Variants in RGPD2 observed in about 807,000 individuals in gnomAD.
RGPD2 encodes RANBP2-like and GRIP domain-containing protein 2.
Under a neutral mutation model 36.0 loss-of-function variants are expected in RGPD2, and 2 were observed. The ratio of observed to expected loss-of-function variants is 0.06; its 90% CI spans 0.02 to 0.17. The LOEUF (loss-of-function observed/expected upper bound fraction) is 0.17, where lower values mean the gene tolerates loss of function less well. Ranked by LOEUF, RGPD2 falls within the 10% of genes least tolerant of loss-of-function variation. The probability of loss-of-function intolerance (pLI) is 1.00; values close to 1 mark genes in which losing one functional copy is unlikely to be tolerated. For missense variants in RGPD2, 40 were observed against 464.3 expected (o/e 0.09, Z 8.40); for synonymous variants, 19 against 163.8 (o/e 0.12, Z 6.75).
the RGPD2 span, among the ~76,000 whole-genome samples, chr2:87,986,503 A>C: frequency 6.6e-6 from 1 of 152,010 alleles, no homozygotes; most frequent in African/African-American, 2.4e-5. Flanking sequence ...TGCCAGAGAC[A>C]GTCCTGATTT....
the RGPD2 span, among the ~76,000 whole-genome samples, chr2:87,886,157 AAT>A: frequency 6.6e-6 from 1 of 151,706 alleles, no homozygotes; most frequent in Non-Finnish European, 1.5e-5. Context: ...AATAAAATAA[AAT>A]AATATTCTAG....
chr2:87,842,863 A>G, the RGPD2 span, among the ~76,000 whole-genome samples: 1 of 147,688 alleles, frequency 6.8e-6, no homozygotes, highest in African/African-American at 2.5e-5. Context: ...CAAAACAGAG[A>G]TATAGATCAA....
chr2:87,864,958 G>A, the RGPD2 span, among the ~76,000 whole-genome samples: 2 of 152,086 alleles, frequency 1.3e-5, no homozygotes, highest in African/African-American at 4.8e-5. Context: ...CTAATTTATA[G>A]GTGTGACCAT....
At chr2:87,826,015 G>T (rs1265794760), upstream of RGPD2, 3 of 403,334 alleles carry the variant, frequency 7.4e-6, no homozygotes, top group African/African-American at 2.1e-5. Flanking sequence ...GGCGGGTGCT[G>T]TAAACCATTC....
chr2:87,815,175 A>G lies in RGPD2; in HGVS notation c.402+1094T>C, dbSNP rs1205350200. Among the ~76,000 whole-genome samples the G allele has an allele frequency of 6.1e-5, 9 of 147,358 alleles. No individual in the cohort carries two copies. The East Asian group carries it at 1.4e-3, about 22-fold the overall frequency. On this transcript the variant is annotated intron_variant, in intron 4 of 22. Transcript: ENST00000398146. ...ATACATACACATTGTACCAATGTCA[A>G]AATTCCTGATTTTGATATTGTGCTT... is the stretch of plus-strand genomic sequence containing the variant.
the RGPD2 span, among the ~76,000 whole-genome samples, chr2:87,952,320 C>T: frequency 1.3e-5 from 2 of 151,942 alleles, no homozygotes; most frequent in East Asian, 3.9e-4. Flanking sequence ...GGGGTGTCCT[C>T]AAGTTTCTGC....
the RGPD2 span, among the ~76,000 whole-genome samples, chr2:87,869,996 T>C: frequency 1.3e-5 from 2 of 152,256 alleles, no homozygotes; most frequent in Non-Finnish European, 2.9e-5. Context: ...AAGATTACAG[T>C]ATCTTTGAAA....
chr2:87,967,276 C>T, the RGPD2 span, among the ~76,000 whole-genome samples: 2,378 of 113,098 alleles, frequency 0.021, 1 homozygote, highest in East Asian at 0.05. Context: ...GGCATGGTGG[C>T]ATGCGCCTGT....
chr2:87,860,826 C>G, the RGPD2 span, among the ~76,000 whole-genome samples: 1 of 152,020 alleles, frequency 6.6e-6, no homozygotes, highest in Non-Finnish European at 1.5e-5. Context: ...TATGGCTTCT[C>G]TTAATTCTGC....
At chr2:87,930,463 C>T in the RGPD2 span, among the ~76,000 whole-genome samples, 1 of 152,070 alleles carries the variant, frequency 6.6e-6, no homozygotes, top group Non-Finnish European at 1.5e-5. Flanking sequence ...CTGCTGGATT[C>T]TACTTGCCAG....
At chr2:87,963,853 T>TTA in the RGPD2 span, among the ~76,000 whole-genome samples, 1 of 135,420 alleles carries the variant, frequency 7.4e-6, no homozygotes, top group Non-Finnish European at 1.6e-5. Context: ...TTTTTTTTTT[T>TTA]GAGACGGAGT....
At chr2:87,936,286 G>A in the RGPD2 span, among the ~76,000 whole-genome samples, 239 of 151,772 alleles carry the variant, frequency 1.6e-3, 1 homozygote, top group African/African-American at 4.1e-3. Flanking sequence ...ACTACAGAGC[G>A]CAGAGTTGCA....
At chr2:87,985,905 C>T in the RGPD2 span, 1 of 1,593,270 alleles carries the variant, frequency 6.3e-7, no homozygotes, top group East Asian at 2.2e-5. Context: ...TGTTTGCAAA[C>T]ATGTTTGTAC....
At chr2:87,824,809 C>A (rs1386930172) in intron 1 of RGPD2, 1 of 121,630 alleles carries the variant, frequency 8.2e-6, no homozygotes, top group African/African-American at 3.1e-5. Flanking sequence ...CCGCCGCCGC[C>A]GCCCGGCCAG....
At chr2:87,897,516 G>T in the RGPD2 span, among the ~76,000 whole-genome samples, 1 of 152,026 alleles carries the variant, frequency 6.6e-6, no homozygotes, top group Non-Finnish European at 1.5e-5. Flanking sequence ...GAATGTGCAG[G>T]TTTGTTACAT....
the RGPD2 span, among the ~76,000 whole-genome samples, chr2:87,940,486 C>T: frequency 2.7e-5 from 4 of 146,476 alleles, no homozygotes; most frequent in Non-Finnish European, 6.1e-5. Context: ...TCTTTGTTAT[C>T]CATTTGATGG....
At chr2:87,832,743 T>G in the RGPD2 span, among the ~76,000 whole-genome samples, 94 of 151,744 alleles carry the variant, frequency 6.2e-4, no homozygotes, top group Middle Eastern at 3.4e-3. Context: ...ATTGCTTGAG[T>G]CTAGAAGTTT....
chr2:87,970,421 G>C, the RGPD2 span, among the ~76,000 whole-genome samples: 1 of 151,906 alleles, frequency 6.6e-6, no homozygotes. Context: ...CCTCAATTTA[G>C]TGTCTGTATG....
the RGPD2 span, among the ~76,000 whole-genome samples, chr2:87,941,102 G>T: frequency 6.6e-6 from 1 of 151,512 alleles, no homozygotes; most frequent in Non-Finnish European, 1.5e-5. Flanking sequence ...TGAAATAGAT[G>T]GCAATTCAAA....
Sources: allele counts gnomAD v4.1 joint callset (sites outside exome capture counted in the v4.1 genomes callset), GRCh38; gene constraint gnomAD v4.1.1; transcripts MANE v1.5; gene names NCBI Gene and HGNC (gene_info 2026-07-23, HGNC 2026-07-21).